The following PLXDC2 variants were observed in gnomAD, a reference collection of about 807,000 sequenced individuals.
PLXDC2 encodes plexin domain containing 2.
A neutral mutation model predicts 68.9 loss-of-function variants in PLXDC2; 40 were observed. The ratio of observed to expected loss-of-function variants is 0.58; its 90% CI spans 0.45 to 0.76. The LOEUF (loss-of-function observed/expected upper bound fraction) is 0.76, where lower values mean the gene tolerates loss of function less well. PLXDC2 is among the 30% of genes least tolerant of loss of function. The pLI is 0.00. For missense variants in PLXDC2, 644 were observed against 661.9 expected (o/e 0.97, Z 0.30); for synonymous variants, 243 against 234.2 (o/e 1.04, Z -0.34).
rs866426031 is a variant in PLXDC2 at position 19,817,001 on chromosome 10, C to G, written c.-79C>G. The G allele has an allele frequency of 4.7e-6, 5 of 1,063,002 alleles. No individual in the cohort carries two copies. Among genetic ancestry groups the G allele is most frequent in the Non-Finnish European group, 5.6e-6 (4 of 719,532 alleles). 65.8% of individuals were successfully genotyped at this position (1,063,002 alleles called of 1,614,324 possible). ...CGAGACCGATCCGCAGCGTTTGGCC[C>G]GGTCGTGCCTATTGCATCGGGAGCC... On this transcript the variant is annotated 5_prime_UTR_variant, in exon 1 of 14. Transcript: ENST00000377252.
At chr10:20,186,485 G>T (rs1251922435) in intron 9 of PLXDC2, among the ~76,000 whole-genome samples, 2 of 151,846 alleles carry the variant, frequency 1.3e-5, no homozygotes, top group African/African-American at 4.8e-5. Flanking sequence ...CGTCATGGGG[G>T]TTTGATATGT....
At chr10:19,923,908 T>A (rs1035894743) in intron 1 of PLXDC2, among the ~76,000 whole-genome samples, 1 of 151,972 alleles carries the variant, frequency 6.6e-6, no homozygotes, top group Admixed American at 6.6e-5. Flanking sequence ...TACAAAAAAA[T>A]ACAAAAATTA....
chr10:20,096,726 G>A (rs1468519887), intron 4 of PLXDC2, among the ~76,000 whole-genome samples: 2 of 152,210 alleles, frequency 1.3e-5, no homozygotes, highest in African/African-American at 4.8e-5. Context: ...CTAAGTAATT[G>A]TTTTTTATGT....
intron 12 of PLXDC2, among the ~76,000 whole-genome samples, chr10:20,221,797 A>G (rs1835215636): frequency 1.3e-5 from 2 of 152,216 alleles, no homozygotes; most frequent in Admixed American, 6.5e-5. Flanking sequence ...GCCTAATTTA[A>G]TATTTTCTGA....
At chr10:20,136,967 A>G (rs1041618107) in intron 4 of PLXDC2, among the ~76,000 whole-genome samples, 1 of 152,174 alleles carries the variant, frequency 6.6e-6, no homozygotes, top group Non-Finnish European at 1.5e-5. Context: ...CATTTTTACA[A>G]AGTGCTTGTT....
At chr10:19,941,309 G>A (rs932821914) in intron 1 of PLXDC2, among the ~76,000 whole-genome samples, 3 of 152,128 alleles carry the variant, frequency 2.0e-5, no homozygotes, top group East Asian at 1.9e-4. Flanking sequence ...GAACCAAGAC[G>A]GGCCAATCAG....
intron 4 of PLXDC2, among the ~76,000 whole-genome samples, chr10:20,126,410 CAACACACGTTAT>C (rs1564325023): frequency 7.8e-5 from 2 of 25,654 alleles, no homozygotes; most frequent in African/African-American, 1.6e-4. Context: ...TATGTATATA[CAACACACGTTAT>C]ATATGTATAT....
intron 1 of PLXDC2, among the ~76,000 whole-genome samples, chr10:19,832,279 A>G (rs1836708764): frequency 6.6e-6 from 1 of 152,234 alleles, no homozygotes; most frequent in Admixed American, 6.5e-5. Flanking sequence ...AATAGCCCAC[A>G]AAGGTCTATC....
chr10:20,215,766 A>G (rs1165783212), intron 10 of PLXDC2, among the ~76,000 whole-genome samples: 2 of 152,190 alleles, frequency 1.3e-5, no homozygotes, highest in Non-Finnish European at 2.9e-5. Flanking sequence ...TCAAGTAAGT[A>G]TGCTGATTCA....
At chr10:20,028,608 G>T (rs1835446759) in intron 2 of PLXDC2, among the ~76,000 whole-genome samples, 1 of 152,164 alleles carries the variant, frequency 6.6e-6, no homozygotes, top group Admixed American at 6.5e-5. Flanking sequence ...CTTCTGGACT[G>T]TCTCAGTTAT....
Position 20,088,289 on chromosome 10 carries a change from A to G in PLXDC2, c.541+20050A>G, listed in dbSNP as rs533085654. Among the ~76,000 whole-genome samples, 161 of 152,314 alleles carry G rather than the reference A, an allele frequency of 1.1e-3. 1 individual carries two copies. The highest frequency in any genetic ancestry group is 3.6e-3 in the African/African-American group (151 of 41,570). ...AAGGAGCTAAATGTTTCCAGTATGT[A>G]TTAAATATTTTAGTGAAGATCCCCA... On this transcript the variant is annotated intron_variant, in intron 4 of 13. Transcript: ENST00000377252.
At chr10:20,137,755 C>T (rs1465000108) in intron 4 of PLXDC2, among the ~76,000 whole-genome samples, 3 of 152,248 alleles carry the variant, frequency 2.0e-5, no homozygotes, top group South Asian at 2.1e-4. Context: ...AAAACTGATT[C>T]GTGGCCAGGG....
Position 20,042,734 on chromosome 10 carries a change from T to G in PLXDC2, c.325-4135T>G, listed in dbSNP as rs1406819535. On this transcript the variant is annotated intron_variant, in intron 2 of 13. Transcript: ENST00000377252. ...CCCATGCTAGAAAAGAAGGCAGCAT[T>G]TGGGTTAGGAATGATGTAGATCGAT... Among the ~76,000 whole-genome samples the G allele has an allele frequency of 2.0e-5, 3 of 152,160 alleles. No individual in the cohort carries two copies. In the East Asian group the frequency reaches 5.8e-4, roughly 29 times the overall value.
chr10:20,021,191 GT>G (rs35394866), intron 2 of PLXDC2, among the ~76,000 whole-genome samples: 2 of 144,610 alleles, frequency 1.4e-5, no homozygotes, highest in East Asian at 2.3e-4. Context: ...ACTTTATCCT[GT>G]TTTTTTTGTT....
intron 1 of PLXDC2, among the ~76,000 whole-genome samples, chr10:19,933,596 G>A (rs1833675971): frequency 6.6e-6 from 1 of 152,150 alleles, no homozygotes; most frequent in East Asian, 1.9e-4. Flanking sequence ...TTGAGCCACT[G>A]ACCTCCAGTC....
intron 4 of PLXDC2, among the ~76,000 whole-genome samples, chr10:20,095,417 G>C (rs188264284): frequency 2.0e-5 from 3 of 152,156 alleles, no homozygotes; most frequent in African/African-American, 7.2e-5. Flanking sequence ...AACTTACTTG[G>C]ACATAAAAGA....
intron 1 of PLXDC2, among the ~76,000 whole-genome samples, chr10:19,995,393 G>A (rs546065575): frequency 3.8e-4 from 58 of 152,292 alleles, no homozygotes; most frequent in African/African-American, 1.4e-3. Flanking sequence ...GTTATAACAC[G>A]TTCACAGTGT....
chr10:19,859,841 C>T (rs542320767), intron 1 of PLXDC2, among the ~76,000 whole-genome samples: 28 of 152,266 alleles, frequency 1.8e-4, no homozygotes, highest in East Asian at 1.7e-3. Flanking sequence ...AAGCGATTCT[C>T]GTGCCTCAGT....
intron 1 of PLXDC2, among the ~76,000 whole-genome samples, chr10:19,867,064 C>CTCTT (rs770522681): frequency 4.8e-5 from 6 of 124,730 alleles, no homozygotes; most frequent in Admixed American, 8.8e-5. Context: ...TCCTTTCCCT[C>CTCTT]TTTTTTTTTT....
Sources: allele counts gnomAD v4.1 joint callset (sites outside exome capture counted in the v4.1 genomes callset), GRCh38; gene constraint gnomAD v4.1.1; transcripts MANE v1.5; gene names NCBI Gene and HGNC (gene_info 2026-07-23, HGNC 2026-07-21).